The following BMP2K variants were observed in gnomAD, a reference collection of about 807,000 sequenced individuals.
The protein encoded by BMP2K is BMP-2-inducible protein kinase.
Under a neutral mutation model 116.0 loss-of-function variants are expected in BMP2K, and 74 were observed. That is an observed-to-expected ratio of 0.64 (90% CI 0.53 to 0.77). BMP2K has a LOEUF of 0.77. Ranked by LOEUF, BMP2K falls within the 30% of genes least tolerant of loss-of-function variation. BMP2K has a pLI of 0.00. For missense variants in BMP2K, 1,365 were observed against 1,403.6 expected, an observed-to-expected ratio of 0.97 and a Z score of 0.44; for synonymous variants, 486 against 502.5, an observed-to-expected ratio of 0.97 and a Z score of 0.44.
intron 1 of BMP2K, among the ~76,000 whole-genome samples, chr4:78,818,040 T>G (rs1253924948): frequency 6.6e-6 from 1 of 152,218 alleles, no homozygotes; most frequent in East Asian, 1.9e-4. Flanking sequence ...CATTTAGATC[T>G]TATTTTGAGT....
intron 5 of BMP2K, 96 bp from the exon 6 acceptor site, chr4:78,847,091 CT>C (rs893997744): frequency 6.3e-6 from 4 of 639,828 alleles, no homozygotes; most frequent in Non-Finnish European, 9.0e-6. Flanking sequence ...ACCTAAAAGA[CT>C]TTTTTTGTAG....
In BMP2K at chr4:78,798,215, G is replaced by A. The variant is rs145407469; in HGVS notation, c.178+21494G>A. ...AGTTTGGTATGTTTTTAATGAACTA[G>A]TTTCCTCAAGTGCCAGTAAGTCAGG... On this transcript the variant is annotated intron_variant, in intron 1 of 15. Transcript: ENST00000502613. Among the ~76,000 whole-genome samples, 396 of 152,292 alleles carry A rather than the reference G, an allele frequency of 2.6e-3. 1 individual carries two copies. Among genetic ancestry groups the A allele is most frequent in the Non-Finnish European group, 4.5e-3 (304 of 68,024 alleles).
chr4:78,896,857 A>T (rs1259451440), intron 15 of BMP2K, among the ~76,000 whole-genome samples: 1 of 152,178 alleles, frequency 6.6e-6, no homozygotes, highest in South Asian at 2.1e-4. Flanking sequence ...CATTATTCCT[A>T]GAGGAGGACT....
intron 15 of BMP2K, among the ~76,000 whole-genome samples, chr4:78,896,487 A>G (rs539741536): frequency 6.6e-6 from 1 of 152,326 alleles, no homozygotes; most frequent in Admixed American, 6.5e-5. Context: ...TGGGGGTAAT[A>G]GTCCATAACA....
intron 2 of BMP2K, among the ~76,000 whole-genome samples, chr4:78,828,933 T>C (rs1730015732): frequency 6.6e-6 from 1 of 152,126 alleles, no homozygotes; most frequent in African/African-American, 2.4e-5. Context: ...TCTTAACCCA[T>C]TTATGCTGGA....
At chr4:78,791,880 G>A (rs1345545849) in intron 1 of BMP2K, among the ~76,000 whole-genome samples, 1 of 152,160 alleles carries the variant, frequency 6.6e-6, no homozygotes, top group Non-Finnish European at 1.5e-5. Context: ...TTTGGCTGTT[G>A]TGAATAATGC....
intron 6 of BMP2K, among the ~76,000 whole-genome samples, chr4:78,850,095 G>A (rs1731175647): frequency 6.6e-6 from 1 of 151,640 alleles, no homozygotes; most frequent in African/African-American, 2.4e-5. Flanking sequence ...ACACTCTTAA[G>A]GCCTGTAGGT....
chr4:78,834,814 G>C (rs1730389251), intron 3 of BMP2K, among the ~76,000 whole-genome samples: 1 of 152,076 alleles, frequency 6.6e-6, no homozygotes, highest in Admixed American at 6.5e-5. Flanking sequence ...AAAGGATGGG[G>C]AAAATGAAGT....
At chr4:78,788,353 C>G (rs932726006) in intron 1 of BMP2K, among the ~76,000 whole-genome samples, 3 of 150,350 alleles carry the variant, frequency 2.0e-5, no homozygotes, top group East Asian at 1.9e-4. Context: ...TTAACTGTTA[C>G]GTGCAGTAAT....
At chr4:78,814,496 T>G (rs188930028) in intron 1 of BMP2K, among the ~76,000 whole-genome samples, 10 of 152,326 alleles carry the variant, frequency 6.6e-5, no homozygotes, top group African/African-American at 2.4e-4. Context: ...GGGGGCAGTT[T>G]CCTCTGTGCT....
At chr4:78,860,115 C>T (rs1731701667) in intron 8 of BMP2K, 1 of 499,956 alleles carries the variant, frequency 2.0e-6, no homozygotes, top group Non-Finnish European at 3.9e-6. Flanking sequence ...AGAGCACAGG[C>T]CTTGTTAAGT....
At chr4:78,777,330 T>G (rs1161787179) in intron 1 of BMP2K, among the ~76,000 whole-genome samples, 1 of 152,222 alleles carries the variant, frequency 6.6e-6, no homozygotes, top group Admixed American at 6.5e-5. Flanking sequence ...TCTTCTCTGT[T>G]GGACAAGGTG....
At chr4:78,828,904 C>T (rs1304660859) in intron 2 of BMP2K, among the ~76,000 whole-genome samples, 3 of 152,170 alleles carry the variant, frequency 2.0e-5, no homozygotes, top group East Asian at 3.9e-4. Context: ...AAGGAATGGG[C>T]GGGGTAGCTG....
intron 9 of BMP2K, among the ~76,000 whole-genome samples, chr4:78,863,668 T>C (rs1731903200): frequency 6.6e-6 from 1 of 152,138 alleles, no homozygotes; most frequent in African/African-American, 2.4e-5. Flanking sequence ...ACTGTTGTAA[T>C]AGTGAAAATG....
At chr4:78,863,897 A>G (rs952589284) in intron 9 of BMP2K, among the ~76,000 whole-genome samples, 5 of 152,158 alleles carry the variant, frequency 3.3e-5, no homozygotes, top group African/African-American at 1.2e-4. Flanking sequence ...TAAAAGTACA[A>G]TTACATCTCC....
At chr4:78,786,190 A>G (rs1727716955) in intron 1 of BMP2K, among the ~76,000 whole-genome samples, 1 of 152,060 alleles carries the variant, frequency 6.6e-6, no homozygotes, top group Non-Finnish European at 1.5e-5. Context: ...TTGGGAAATG[A>G]TTGGGTCATG....
intron 1 of BMP2K, among the ~76,000 whole-genome samples, chr4:78,795,458 C>G (rs1306667267): frequency 6.6e-6 from 1 of 152,112 alleles, no homozygotes; most frequent in Admixed American, 6.6e-5. Context: ...TAGGCATTAC[C>G]ATTCAGGACA....
intron 6 of BMP2K, 140 bp from the exon 7 acceptor site, chr4:78,850,784 T>C (rs1432707192): frequency 1.4e-6 from 1 of 715,520 alleles, no homozygotes; most frequent in Non-Finnish European, 2.1e-6. Flanking sequence ...TTAAATATAT[T>C]AATTTTTTTA....
chr4:78,829,316 A>C (rs184432896), intron 2 of BMP2K, among the ~76,000 whole-genome samples: 1 of 152,226 alleles, frequency 6.6e-6, no homozygotes, highest in Non-Finnish European at 1.5e-5. Context: ...TCAAGAGACC[A>C]CTATCTTTGC....
Sources: allele counts gnomAD v4.1 joint callset (sites outside exome capture counted in the v4.1 genomes callset), GRCh38; gene constraint gnomAD v4.1.1; transcripts MANE v1.5; gene names NCBI Gene and HGNC (gene_info 2026-07-23, HGNC 2026-07-21).